The following GRM7 variants were observed in gnomAD, a reference collection of about 807,000 sequenced individuals.
GRM7 encodes the protein glutamate metabotropic receptor 7.
GRM7 carries 35 observed loss-of-function variants against 84.5 expected under a neutral mutation model. The ratio of observed to expected loss-of-function variants is 0.41; its 90% CI spans 0.32 to 0.55. The LOEUF is 0.55. GRM7 is among the 20% of genes least tolerant of loss of function. GRM7 has a pLI of 0.19. For synonymous variants in GRM7, 487 were observed against 455.1 expected, an observed-to-expected ratio of 1.07 and a Z score of -0.89; for missense variants, 1,003 against 1,194.6, an observed-to-expected ratio of 0.84 and a Z score of 2.36.
intron 8 of GRM7, chr3:7,607,904 C>A (rs2139187): frequency 0.29 from 47,788 of 166,972 alleles, 7,286 homozygotes; most frequent in Non-Finnish European, 0.32. Context: ...CCCAAGTAGG[C>A]CCCAGTGTCT....
chr3:6,989,857 G>T (rs979065809), intron 1 of GRM7, among the ~76,000 whole-genome samples: 1 of 152,182 alleles, frequency 6.6e-6, no homozygotes, highest in South Asian at 2.1e-4. Flanking sequence ...ATAATCTCCC[G>T]AGTGAAAGAG....
rs71307751 is a variant in GRM7 at position 7,121,333 on chromosome 3, T to TCATCCATC, written c.520-25077_520-25070dup. On this transcript the variant is annotated intron_variant, in intron 1 of 9. Coordinates refer to ENST00000357716, the MANE Select transcript of GRM7 (RefSeq NM_000844.4). ...TTGAGCCATCCTCCCATCCATCTAT[T>TCATCCATC]CATCCATCCATCCATCCATCCATCC... 3.2e-3 allele frequency among the ~76,000 whole-genome samples: 476 copies of TCATCCATC among 149,560 alleles called. 2 individuals carry two copies. Among genetic ancestry groups the TCATCCATC allele is most frequent in the Middle Eastern group, 0.017 (5 of 290 alleles).
intron 1 of GRM7, among the ~76,000 whole-genome samples, chr3:6,953,230 T>G (rs1038417087): frequency 6.6e-6 from 1 of 152,202 alleles, no homozygotes; most frequent in African/African-American, 2.4e-5. Flanking sequence ...TGTTTTTGTT[T>G]TGAATACAGT....
intron 1 of GRM7, among the ~76,000 whole-genome samples, chr3:6,982,362 G>A (rs1694242091): frequency 6.6e-6 from 1 of 152,104 alleles, no homozygotes; most frequent in Non-Finnish European, 1.5e-5. Flanking sequence ...TCAGCAACTG[G>A]ATGACAGGAT....
intron 5 of GRM7, among the ~76,000 whole-genome samples, chr3:7,445,326 A>G (rs1381225325): frequency 6.6e-6 from 1 of 152,158 alleles, no homozygotes; most frequent in African/African-American, 2.4e-5. Context: ...ATTTTTTATA[A>G]TGGGCAATGA....
chr3:7,365,814 G>A (rs1490276779), intron 4 of GRM7, among the ~76,000 whole-genome samples: 2 of 150,190 alleles, frequency 1.3e-5, no homozygotes, highest in African/African-American at 4.9e-5. Flanking sequence ...TTATAATTTG[G>A]CTTGCAAACT....
chr3:7,315,951 A>G (rs1700566752), intron 4 of GRM7, among the ~76,000 whole-genome samples: 1 of 152,164 alleles, frequency 6.6e-6, no homozygotes, highest in African/African-American at 2.4e-5. Flanking sequence ...TAGAGCAGGA[A>G]AAGGGAAATC....
At chr3:7,512,633 G>C (rs1159376700) in intron 7 of GRM7, among the ~76,000 whole-genome samples, 2 of 150,236 alleles carry the variant, frequency 1.3e-5, no homozygotes, top group African/African-American at 2.4e-5. Context: ...GGGAATTTGA[G>C]AGATTGGTGC....
chr3:7,366,355 T>A (rs897516736), intron 4 of GRM7, among the ~76,000 whole-genome samples: 1 of 151,920 alleles, frequency 6.6e-6, no homozygotes, highest in African/African-American at 2.4e-5. Context: ...GAATGTTGAA[T>A]TTTTTGTCAT....
intron 1 of GRM7, among the ~76,000 whole-genome samples, chr3:7,055,759 A>G (rs970854306): frequency 6.6e-6 from 1 of 151,910 alleles, no homozygotes; most frequent in African/African-American, 2.4e-5. Context: ...GGCCTCAAAC[A>G]ATCTGCCTGC....
At chr3:7,405,719 A>G (rs940305389) in intron 4 of GRM7, among the ~76,000 whole-genome samples, 3 of 152,148 alleles carry the variant, frequency 2.0e-5, no homozygotes, top group African/African-American at 7.2e-5. Context: ...TGGAGAGATA[A>G]TATTTTATAT....
intron 2 of GRM7, among the ~76,000 whole-genome samples, chr3:7,273,278 A>G (rs1218259350): frequency 6.6e-6 from 1 of 151,996 alleles, no homozygotes; most frequent in Non-Finnish European, 1.5e-5. Flanking sequence ...CCCAAATATG[A>G]TCTATTTTAG....
chr3:6,992,676 C>T (rs1694687213), intron 1 of GRM7, among the ~76,000 whole-genome samples: 1 of 152,082 alleles, frequency 6.6e-6, no homozygotes, highest in African/African-American at 2.4e-5. Flanking sequence ...GGGATAGAGA[C>T]ATGGAAAAGT....
chr3:7,364,768 A>C (rs1693809027), intron 4 of GRM7, among the ~76,000 whole-genome samples: 1 of 151,816 alleles, frequency 6.6e-6, no homozygotes, highest in African/African-American at 2.4e-5. Context: ...TCCAAATTTC[A>C]CAGTTTTTTC....
chr3:7,465,628 T>G (rs1698431573), intron 7 of GRM7, among the ~76,000 whole-genome samples: 1 of 152,148 alleles, frequency 6.6e-6, no homozygotes, highest in Non-Finnish European at 1.5e-5. Flanking sequence ...TAGGTTTGCT[T>G]TCCTCTAGTC....
intron 7 of GRM7, among the ~76,000 whole-genome samples, chr3:7,495,991 A>G (rs769247504): frequency 1.3e-5 from 2 of 152,196 alleles, no homozygotes; most frequent in South Asian, 2.1e-4. Flanking sequence ...AGTATAAAAC[A>G]TATTTTTATG....
intron 7 of GRM7, among the ~76,000 whole-genome samples, chr3:7,549,536 T>G (rs1693340093): frequency 6.6e-6 from 1 of 152,218 alleles, no homozygotes. Context: ...CTGAAGCACC[T>G]TAACTATTAT....
At chr3:7,606,164 T>C (rs934732050) in intron 8 of GRM7, among the ~76,000 whole-genome samples, 2 of 152,326 alleles carry the variant, frequency 1.3e-5, no homozygotes, top group South Asian at 4.1e-4. Context: ...GCAAATTTTA[T>C]CTAGGGAAGC....
chr3:7,379,407 T>C (rs1694494897), intron 4 of GRM7, among the ~76,000 whole-genome samples: 1 of 152,174 alleles, frequency 6.6e-6, no homozygotes, highest in Non-Finnish European at 1.5e-5. Flanking sequence ...CTGTGAATTT[T>C]ACAAGCGACA....
Sources: allele counts gnomAD v4.1 joint callset (sites outside exome capture counted in the v4.1 genomes callset), GRCh38; gene constraint gnomAD v4.1.1; transcripts MANE v1.5; gene names NCBI Gene and HGNC (gene_info 2026-07-23, HGNC 2026-07-21).